ATP8A1: variants seen among roughly 807,000 people sequenced by gnomAD.
ATP8A1 encodes the protein phospholipid-transporting ATPase IA.
In ATP8A1, 90 loss-of-function variants were observed where a neutral mutation model predicts 177.7. The ratio of observed to expected loss-of-function variants is 0.51; its 90% CI spans 0.43 to 0.60. ATP8A1 has a LOEUF of 0.60. ATP8A1 is among the 20% of genes least tolerant of loss of function. The pLI, the probability that ATP8A1 is intolerant of heterozygous loss-of-function variation, is 0.00. For synonymous variants in ATP8A1, 493 were observed against 485.9 expected (o/e 1.01, Z -0.19); for missense variants, 1,072 against 1,392.8 (o/e 0.77, Z 3.67).
In ATP8A1 at chr4:42,451,974, T is replaced by C. The variant is rs1228663528; in HGVS notation, c.2896+7A>G. The C allele has an allele frequency of 2.5e-6, 4 of 1,593,370 alleles. No homozygotes were observed. The highest frequency in any genetic ancestry group is 3.4e-6 in the Non-Finnish European group (4 of 1,162,188). ...CATCTCTTTGCATTCATATCCCTTC[T>C]ACTTACCATACTGAAGGGCTTTTAG... On this transcript the variant is annotated splice_region_variant and intron_variant, in intron 30 of 36. Coordinates refer to ENST00000381668, the MANE Select transcript of ATP8A1 (RefSeq NM_006095.2).
intron 6 of ATP8A1, among the ~76,000 whole-genome samples, chr4:42,597,112 G>A (rs1263757497): frequency 4.6e-5 from 7 of 152,152 alleles, no homozygotes; most frequent in Non-Finnish European, 8.8e-5. Flanking sequence ...TTAGATGCAT[G>A]CTAGGCAAAT....
At chr4:42,497,697 G>A (rs1340521622) in intron 24 of ATP8A1, among the ~76,000 whole-genome samples, 1 of 152,176 alleles carries the variant, frequency 6.6e-6, no homozygotes, top group Admixed American at 6.5e-5. Flanking sequence ...GGGTTTGATG[G>A]AACTTTTTCA....
At chr4:42,641,625 T>C (rs1390583724) in intron 1 of ATP8A1, among the ~76,000 whole-genome samples, 1 of 152,174 alleles carries the variant, frequency 6.6e-6, no homozygotes, top group Non-Finnish European at 1.5e-5. Context: ...CAAATGCTTG[T>C]AGGATAGTTA....
At chr4:42,448,828 G>GTTCTTTT (rs1717595745) in intron 30 of ATP8A1, among the ~76,000 whole-genome samples, 1 of 84,206 alleles carries the variant, frequency 1.2e-5, no homozygotes, top group African/African-American at 4.5e-5. Context: ...TGTACTTTGC[G>GTTCTTTT]TTTTTTTTTT....
chr4:42,460,268 A>G (rs900476898), intron 27 of ATP8A1, among the ~76,000 whole-genome samples: 5 of 152,186 alleles, frequency 3.3e-5, no homozygotes, highest in Non-Finnish European at 7.3e-5. Flanking sequence ...GAACAGGTGA[A>G]GCAAATATAC....
At chr4:42,585,314 A>G (rs1363398048) in intron 9 of ATP8A1, among the ~76,000 whole-genome samples, 2 of 151,790 alleles carry the variant, frequency 1.3e-5, no homozygotes, top group Non-Finnish European at 2.9e-5. Context: ...CTTCTTATTT[A>G]TCATCTTATT....
At chr4:42,613,531 T>C (rs577938736) in intron 5 of ATP8A1, among the ~76,000 whole-genome samples, 1 of 152,216 alleles carries the variant, frequency 6.6e-6, no homozygotes, top group Non-Finnish European at 1.5e-5. Context: ...TAAATAGCTA[T>C]GTAAATAGTT....
intron 24 of ATP8A1, among the ~76,000 whole-genome samples, chr4:42,497,168 C>A (rs1433150372): frequency 2.0e-5 from 3 of 152,200 alleles, no homozygotes; most frequent in African/African-American, 7.2e-5. Flanking sequence ...CAGTTTGGGA[C>A]TTCAAGCAAT....
intron 1 of ATP8A1, among the ~76,000 whole-genome samples, chr4:42,656,161 G>A (rs1426898299): frequency 6.6e-6 from 1 of 152,198 alleles, no homozygotes; most frequent in Non-Finnish European, 1.5e-5. Context: ...GGCCATTCAA[G>A]AGCTGGCCCC....
intron 22 of ATP8A1, among the ~76,000 whole-genome samples, chr4:42,509,321 C>G (rs1724755063): frequency 6.6e-6 from 1 of 152,202 alleles, no homozygotes; most frequent in African/African-American, 2.4e-5. Context: ...ATGGCTAACC[C>G]CAACTATTTG....
chr4:42,465,569 T>C (rs1719644865), intron 25 of ATP8A1, among the ~76,000 whole-genome samples: 1 of 152,220 alleles, frequency 6.6e-6, no homozygotes, highest in Admixed American at 6.5e-5. Context: ...CTGATTATAG[T>C]TCATGGGCTT....
intron 7 of ATP8A1, among the ~76,000 whole-genome samples, chr4:42,589,565 T>C (rs1733953337): frequency 6.6e-6 from 1 of 152,202 alleles, no homozygotes; most frequent in African/African-American, 2.4e-5. Context: ...ATTTACCCTA[T>C]GAGCTTTCTT....
intron 20 of ATP8A1, among the ~76,000 whole-genome samples, chr4:42,542,089 G>T (rs930419579): frequency 1.3e-5 from 2 of 152,044 alleles, no homozygotes; most frequent in African/African-American, 4.8e-5. Flanking sequence ...TCTGGTGGGG[G>T]ATGTTGATAA....
At chr4:42,641,020 A>G (rs1577763372) in intron 1 of ATP8A1, among the ~76,000 whole-genome samples, 1 of 151,762 alleles carries the variant, frequency 6.6e-6, no homozygotes, top group African/African-American at 2.4e-5. Context: ...GAAAAAAAAA[A>G]AAAAAAAAGA....
intron 1 of ATP8A1, among the ~76,000 whole-genome samples, chr4:42,643,437 G>T (rs982163071): frequency 2.0e-5 from 3 of 152,102 alleles, no homozygotes; most frequent in African/African-American, 7.2e-5. Context: ...TTCTATTTCG[G>T]TAAATGGCAC....
chr4:42,434,472 G>A (rs1328061808), intron 33 of ATP8A1, among the ~76,000 whole-genome samples: 1 of 152,144 alleles, frequency 6.6e-6, no homozygotes. Flanking sequence ...ACTTCAAAAA[G>A]CACTTAGCTA....
chr4:42,592,315 A>G (rs868437388), intron 6 of ATP8A1, among the ~76,000 whole-genome samples: 1 of 152,208 alleles, frequency 6.6e-6, no homozygotes, highest in African/African-American at 2.4e-5. Context: ...ATGCTTATAA[A>G]ACAAATTCTG....
At chr4:42,464,480 G>A (rs955449446) in intron 27 of ATP8A1, among the ~76,000 whole-genome samples, 1 of 152,076 alleles carries the variant, frequency 6.6e-6, no homozygotes, top group Non-Finnish European at 1.5e-5. Flanking sequence ...GGCTAAGCTG[G>A]TCTCGAACTC....
At chr4:42,538,453 T>A (rs1258465291) in intron 20 of ATP8A1, among the ~76,000 whole-genome samples, 1 of 151,928 alleles carries the variant, frequency 6.6e-6, no homozygotes, top group African/African-American at 2.4e-5. Flanking sequence ...AAAAATATAA[T>A]CAGGACAGTA....
Sources: allele counts gnomAD v4.1 joint callset (sites outside exome capture counted in the v4.1 genomes callset), GRCh38; gene constraint gnomAD v4.1.1; transcripts MANE v1.5; gene names NCBI Gene and HGNC (gene_info 2026-07-23, HGNC 2026-07-21).